KCNC3: variants seen among roughly 807,000 people sequenced by gnomAD.
KCNC3 encodes the protein potassium voltage-gated channel subfamily C member 3.
Under a neutral mutation model 43.9 loss-of-function variants are expected in KCNC3, and 22 were observed. The ratio of observed to expected loss-of-function variants is 0.50; its 90% CI spans 0.36 to 0.72. KCNC3 has a LOEUF of 0.72. Among genes scored for constraint, KCNC3 ranks in the 30% least tolerant of loss-of-function variants. KCNC3 has a pLI of 0.00. For synonymous variants in KCNC3, 492 were observed against 488.0 expected (o/e 1.01, Z -0.11); for missense variants, 829 against 1,073.8 (o/e 0.77, Z 3.19).
chr19:50,314,394 C>A lies in KCNC3; in HGVS notation c.*1721G>T, dbSNP rs991338953. 9.3e-5 allele frequency: 16 copies of A among 171,414 alleles called. No individual in the cohort carries two copies. Among genetic ancestry groups the A allele is most frequent in the Non-Finnish European group, 2.0e-4 (16 of 79,686 alleles). 10.6% of individuals were successfully genotyped at this position (171,414 alleles called of 1,614,324 possible). A position where few individuals can be genotyped will look rare whatever the true frequency, so the allele number is the denominator to read the frequency against. On this transcript the variant is annotated 3_prime_UTR_variant, in exon 5 of 5. Transcript: ENST00000477616. Reference sequence around the variant, plus strand: ...TGGAGACCTTAAAGGCCAGCCCGACCCCCGGGAGGTGCCACCCCCTTCCCA... The same window carrying A: ...TGGAGACCTTAAAGGCCAGCCCGACACCCGGGAGGTGCCACCCCCTTCCCA...
At chr19:50,329,442 A>T (rs1293592498), upstream of KCNC3, 2 of 154,882 alleles carry the variant, frequency 1.3e-5, no homozygotes, top group Admixed American at 6.5e-5. Flanking sequence ...CGATAGAGAG[A>T]GACCTTACTG....
At chr19:50,319,495 C>G (rs2036999462) in intron 4 of KCNC3, among the ~76,000 whole-genome samples, 1 of 152,208 alleles carries the variant, frequency 6.6e-6, no homozygotes, top group Non-Finnish European at 1.5e-5. Flanking sequence ...CTCCTAAGCT[C>G]TGTCCTGCGG....
At position 50,320,298 on chromosome 19, in the gene KCNC3, G is replaced by A; in HGVS notation, c.2222C>T (p.Pro741Leu). The A allele has an allele frequency of 1.0e-6, 1 of 959,098 alleles. No individual in the cohort carries two copies. Among genetic ancestry groups the A allele is most frequent in the Non-Finnish European group, 1.4e-6 (1 of 714,206 alleles). 59.4% of individuals were successfully genotyped at this position (959,098 alleles called of 1,614,324 possible). Reference protein sequence around the residue: ...PPQDWRKPGPPSFLPDLNANA... With the variant: ...PPQDWRKPGPLSFLPDLNANA... ...GGCGTTGAGGTCGGGCAAGAAGCTT[G>A]GGGGGCCTGGCTTACGCCAGTCTTG... The change falls in exon 4 of 5, where the codon CCA (proline) becomes CTA (leucine). Residue 741 changes from proline (P) to leucine (L), a missense_variant. Physicochemically the swap from Pro to Leu is moderately conservative, Grantham distance 98 (BLOSUM62 -3). Around this residue, in one of 7 missense-constraint regions of KCNC3, gnomAD observed 308 missense variants for 276.2 expected, o/e 1.11. Coordinates refer to ENST00000477616, the MANE Select transcript of KCNC3 (RefSeq NM_004977.3).
At position 50,326,886 on chromosome 19, in the gene KCNC3, G is replaced by A. The variant is rs543225811; in HGVS notation, c.870+1327C>T. Among the ~76,000 whole-genome samples the A allele has an allele frequency of 1.3e-4, 17 of 132,302 alleles. No homozygotes were observed. In the South Asian group the frequency reaches 1.5e-3, roughly 12 times the overall value. 86.8% of individuals were successfully genotyped at this position (132,302 alleles called of 152,430 possible). A position where few individuals can be genotyped will look rare whatever the true frequency, so the allele number is the denominator to read the frequency against. ...TCTTTGGTTCACTTTGATGGAGGGG[G>A]ACAGACTGAGGGGCTAGGTTCTGGG... On this transcript the variant is annotated intron_variant, in intron 1 of 4. Transcript: ENST00000477616.
intron 4 of KCNC3, among the ~76,000 whole-genome samples, chr19:50,318,986 A>G (rs1012034748): frequency 2.9e-5 from 3 of 104,120 alleles, no homozygotes; most frequent in Admixed American, 2.5e-4. Flanking sequence ...ATAGCAAGAC[A>G]GTCTCAAAAA....
chr19:50,320,630 G>C lies in KCNC3; in HGVS notation c.2133C>G (p.Thr711=). 6.2e-7 allele frequency: 1 copy of C among 1,612,906 alleles called. No individual in the cohort carries two copies. The highest frequency in any genetic ancestry group is 8.5e-7 in the Non-Finnish European group (1 of 1,179,828). ...AGCCATCAGGGGAAGGGGCATAGTC[G>C]GTGAGGAGGAAGCAGGCTCGGTCCC... ...YSRDRACFLL[T]DYAPSPDGSI... The change falls in exon 3 of 5, where the codon ACC becomes ACG. Residue 711 remains threonine, a synonymous_variant. Coordinates refer to ENST00000477616, the MANE Select transcript of KCNC3 (RefSeq NM_004977.3).
chr19:50,323,029 G>T lies in KCNC3; in HGVS notation c.1924C>A (p.Pro642Thr). The T allele has an allele frequency of 6.5e-7, 1 of 1,545,738 alleles. No individual in the cohort carries two copies. The highest frequency in any genetic ancestry group is 8.7e-7 in the Non-Finnish European group (1 of 1,145,360). Residue 642 changes from proline (P) to threonine (T), a missense_variant, in exon 2 of 5, where the codon CCC (proline) becomes ACC (threonine). Coordinates refer to ENST00000477616, the MANE Select transcript of KCNC3 (RefSeq NM_004977.3). The part of the protein sequence containing the change: ...GIMGLPPLPA[P>T]GEPCPLAQEE... Reference sequence around the variant, plus strand: ...TGAGCCAACGGGCAAGGCTCGCCGGGGGCTGGCAGAGGAGGCAGCCCCATG... The same window carrying T: ...TGAGCCAACGGGCAAGGCTCGCCGGTGGCTGGCAGAGGAGGCAGCCCCATG...
intron 4 of KCNC3, among the ~76,000 whole-genome samples, chr19:50,318,031 G>A (rs1394788700): frequency 3.3e-5 from 5 of 152,266 alleles, no homozygotes; most frequent in African/African-American, 1.2e-4. Flanking sequence ...AGGCTCAAAT[G>A]ATACTCCCAC....
intron 1 of KCNC3, among the ~76,000 whole-genome samples, chr19:50,327,443 G>A (rs1173449210): frequency 6.6e-6 from 1 of 152,112 alleles, no homozygotes; most frequent in African/African-American, 2.4e-5. Flanking sequence ...ATTGCAGTGA[G>A]GGGGAGGTGA....
At chr19:50,328,078 G>A (rs756014688) in intron 1 of KCNC3, 135 bp downstream of exon 1, 11 of 499,840 alleles carry the variant, frequency 2.2e-5, no homozygotes, top group Non-Finnish European at 3.0e-5. Flanking sequence ...GGAGACTCAG[G>A]ATTGGGGAAG....
intron 3 of KCNC3, 85 bp downstream of exon 3, chr19:50,320,508 T>C (rs2037016322): frequency 1.5e-6 from 2 of 1,321,936 alleles, no homozygotes; most frequent in Non-Finnish European, 2.1e-6. Flanking sequence ...GTCCACCGCC[T>C]CCTCCCCCAT....
chr19:50,317,345 C>G (rs1298973081), intron 4 of KCNC3, among the ~76,000 whole-genome samples: 1 of 152,070 alleles, frequency 6.6e-6, no homozygotes, highest in African/African-American at 2.4e-5. Flanking sequence ...TCATGGCCTT[C>G]CCTGAATGTC....
At chr19:50,320,472 TG>T in intron 3 of KCNC3, 120 bp downstream of exon 3, 1 of 897,664 alleles carries the variant, frequency 1.1e-6, no homozygotes, top group Non-Finnish European at 1.7e-6. Flanking sequence ...GGAGGCAGTT[TG>T]GGGCCAAGGG....
chr19:50,318,323 C>T (rs1479090207), intron 4 of KCNC3, among the ~76,000 whole-genome samples: 2 of 151,904 alleles, frequency 1.3e-5, no homozygotes, highest in African/African-American at 4.8e-5. Context: ...TACAGGTGCC[C>T]ACCACCACGC....
rs1464016887 is a variant in KCNC3, at chr19:50,328,818, T to G, written c.265A>C (p.Lys89Gln). The stretch of plus-strand genomic sequence containing the variant: ...ACGCCGCCCACGTTGATCACGATCT[T>G]GCCGCTGTCGCCACCGCCGCCGCCG... The part of the protein sequence containing the change: ...RHGGGGGDSG[K>Q]IVINVGGVRH... The change falls in exon 1 of 5, where the codon AAG becomes CAG. Residue 89 changes from lysine to glutamine, a missense_variant. Physicochemically the swap from Lys to Gln is moderately conservative, Grantham distance 53. This residue lies in a region of KCNC3 where 121 missense variants were observed against 247.4 expected (regional missense o/e 0.49). Transcript: ENST00000477616. The G allele has an allele frequency of 6.6e-7, 1 of 1,512,428 alleles. No individual in the cohort carries two copies. Among genetic ancestry groups the G allele is most frequent in the African/African-American group, 1.4e-5 (1 of 69,916 alleles). 93.7% of individuals were successfully genotyped at this position (1,512,428 alleles called of 1,614,324 possible). A position where few individuals can be genotyped will look rare whatever the true frequency, so the allele number is the denominator to read the frequency against.
chr19:50,321,016 T>C (rs1397983596), intron 2 of KCNC3, among the ~76,000 whole-genome samples: 1 of 130,478 alleles, frequency 7.7e-6, no homozygotes, highest in Non-Finnish European at 1.6e-5. Flanking sequence ...TCATGGGGGT[T>C]GAGTGCTGGG....
intron 1 of KCNC3, among the ~76,000 whole-genome samples, chr19:50,325,313 G>A (rs949518239): frequency 3.3e-5 from 5 of 152,296 alleles, no homozygotes; most frequent in African/African-American, 1.2e-4. Context: ...GCGGGTAGTG[G>A]AGGAGGGAGG....
chr19:50,315,828 C>G lies in KCNC3; in HGVS notation c.*287G>C, dbSNP rs1319235782. ...CTCACAGCTAATGGGACTCAAGATC[C>G]AGCAACAGTGTGTGTGGTTTCTGCA... On this transcript the variant is annotated 3_prime_UTR_variant, in exon 5 of 5. Transcript: ENST00000477616. The G allele has an allele frequency of 3.8e-6, 1 of 263,842 alleles. No homozygotes were observed. The highest frequency in any genetic ancestry group is 7.6e-6 in the Non-Finnish European group (1 of 132,166). The allele number at this position is 263,842 out of a possible 1,614,324, so 16.3% of individuals were successfully genotyped here. A position where few individuals can be genotyped will look rare whatever the true frequency, so the allele number is the denominator to read the frequency against.
At chr19:50,322,152 AG>A (rs967276296) in intron 2 of KCNC3, among the ~76,000 whole-genome samples, 4 of 146,786 alleles carry the variant, frequency 2.7e-5, no homozygotes, top group Admixed American at 6.8e-5. Context: ...GGGGCAGTGC[AG>A]GGGGGGGCCA....
Sources: gnomAD v4.1 joint callset for allele counts (sites outside exome capture counted in the v4.1 genomes callset) on GRCh38, gnomAD v4.1.1 for gene constraint, gnomAD v4.1.1 regional missense constraint, MANE v1.5 for transcripts, NCBI Gene and HGNC (gene_info 2026-07-23, HGNC 2026-07-21) for gene names.